Variants in TENM2 observed in about 807,000 individuals in gnomAD.
TENM2 encodes the protein teneurin-2.
In TENM2, 52 loss-of-function variants were observed where a neutral mutation model predicts 245.2. The observed-to-expected ratio is 0.21, with a 90% CI of 0.17 to 0.27. The LOEUF is 0.27. Ranked by LOEUF, TENM2 falls within the 10% of genes least tolerant of loss-of-function variation. The pLI is 1.00. For synonymous variants in TENM2, 1,363 were observed against 1,438.9 expected (o/e 0.95, Z 1.19); for missense variants, 3,046 against 3,666.8 (o/e 0.83, Z 4.37).
chr5:167,242,035 T>G, the TENM2 span, among the ~76,000 whole-genome samples: 1 of 149,760 alleles, frequency 6.7e-6, no homozygotes, highest in Non-Finnish European at 1.5e-5. Flanking sequence ...TGTTTTCTTT[T>G]TTTGTTTTTT....
the TENM2 span, among the ~76,000 whole-genome samples, chr5:167,263,957 T>G: frequency 6.6e-6 from 1 of 151,790 alleles, no homozygotes; most frequent in East Asian, 1.9e-4. Context: ...TACAAAAAAT[T>G]AGTTGGGTGT....
At chr5:167,058,267 TATAATAGGCATTCTATAA>T in the TENM2 span, among the ~76,000 whole-genome samples, 3 of 152,172 alleles carry the variant, frequency 2.0e-5, no homozygotes, top group Non-Finnish European at 4.4e-5. Context: ...GTCTATGACC[TATAATAGGCATTCTATAA>T]ATAATTGTTG....
intron 6 of TENM2, among the ~76,000 whole-genome samples, chr5:168,061,535 G>T (rs1316794156): frequency 6.6e-6 from 1 of 152,066 alleles, no homozygotes; most frequent in Non-Finnish European, 1.5e-5. Context: ...GTTTCTCTGC[G>T]GCTCTTAGAC....
the TENM2 span, among the ~76,000 whole-genome samples, chr5:167,138,508 C>T: frequency 1.3e-5 from 2 of 152,142 alleles, no homozygotes; most frequent in Non-Finnish European, 2.9e-5. Flanking sequence ...TGGTCTGTCG[C>T]TTACAAACTC....
chr5:167,759,782 A>G (rs1762541638), intron 2 of TENM2, among the ~76,000 whole-genome samples: 1 of 152,190 alleles, frequency 6.6e-6, no homozygotes, highest in Non-Finnish European at 1.5e-5. Flanking sequence ...TGAGAGATAC[A>G]GCCATGAGCC....
At chr5:167,175,107 T>C in the TENM2 span, among the ~76,000 whole-genome samples, 1 of 152,204 alleles carries the variant, frequency 6.6e-6, no homozygotes, top group African/African-American at 2.4e-5. Context: ...TTCTCTATCT[T>C]GGCTATTGCA....
At position 168,247,620 on chromosome 5, in the gene TENM2, C is replaced by T; in HGVS notation, c.6681C>T (p.Asp2227=). 2 of 1,613,930 alleles carry T rather than the reference C, an allele frequency of 1.2e-6. No homozygotes were observed. The highest frequency in any genetic ancestry group is 1.7e-6 in the Non-Finnish European group (2 of 1,179,876). The stretch of plus-strand genomic sequence containing the variant: ...GCCCGACCTGGCGCTACAGCTATGA[C>T]CTTAATGGGAATCTCCACTTACTGA... The change falls in exon 27 of 29, where the codon GAC becomes GAT. Residue 2227 remains aspartate, a synonymous_variant. Transcript: ENST00000518659. This position sits in a 1 kb window ranked among gnomAD's most constrained non-coding sequence, Gnocchi z 7.8.
intron 8 of TENM2, among the ~76,000 whole-genome samples, chr5:168,094,736 C>G (rs898682402): frequency 6.6e-6 from 1 of 151,764 alleles, no homozygotes; most frequent in Admixed American, 6.6e-5. Flanking sequence ...AACCCAGATC[C>G]CTCCATGTGC....
At chr5:168,195,514 C>T (rs957009547) in intron 15 of TENM2, among the ~76,000 whole-genome samples, 1 of 149,912 alleles carries the variant, frequency 6.7e-6, no homozygotes, top group Admixed American at 6.7e-5. Context: ...TAGTACAGCT[C>T]ACAGCCACCT....
At chr5:167,725,504 TAATTC>T (rs1759938252) in intron 2 of TENM2, among the ~76,000 whole-genome samples, 2 of 152,338 alleles carry the variant, frequency 1.3e-5, no homozygotes, top group Non-Finnish European at 2.9e-5. Context: ...AATGCTTACT[TAATTC>T]ATCACCAAAT....
the TENM2 span, among the ~76,000 whole-genome samples, chr5:167,189,454 CTTTT>C: frequency 6.6e-6 from 1 of 151,992 alleles, no homozygotes; most frequent in Non-Finnish European, 1.5e-5. Context: ...CAGTATGTTT[CTTTT>C]TTCTCTCTTC....
In TENM2 at chr5:168,015,738, C is replaced by T. The variant is rs181545475; in HGVS notation, c.1186+22556C>T. Reference sequence around the variant, plus strand: ...CAAACAGCCATGAGAAAAGTTTCCTCCCGTTTTTCTCATCCTCATTCCTGA... The same window carrying T: ...CAAACAGCCATGAGAAAAGTTTCCTTCCGTTTTTCTCATCCTCATTCCTGA... On this transcript the variant is annotated intron_variant, in intron 5 of 28. Coordinates refer to ENST00000518659, the Ensembl canonical transcript of TENM2. 1.7e-3 allele frequency among the ~76,000 whole-genome samples: 256 copies of T among 152,300 alleles called. 2 individuals are homozygous for T. The highest frequency in any genetic ancestry group is 5.6e-3 in the African/African-American group (232 of 41,552).
chr5:168,198,623 C>T (rs1761669020), intron 15 of TENM2, among the ~76,000 whole-genome samples: 1 of 152,142 alleles, frequency 6.6e-6, no homozygotes, highest in Non-Finnish European at 1.5e-5. Context: ...TGTAATTATT[C>T]CCATTTTACA....
chr5:167,101,871 A>G, the TENM2 span, among the ~76,000 whole-genome samples: 1 of 130,162 alleles, frequency 7.7e-6, no homozygotes, highest in Admixed American at 8.5e-5. Flanking sequence ...ATATATATAT[A>G]TATATGCACT....
At chr5:167,777,788 AAC>A (rs1454053394) in intron 2 of TENM2, among the ~76,000 whole-genome samples, 1 of 152,180 alleles carries the variant, frequency 6.6e-6, no homozygotes. Flanking sequence ...TTAATTTCTA[AAC>A]AGTGAGCCAA....
intron 3 of TENM2, among the ~76,000 whole-genome samples, chr5:167,886,238 T>C (rs1774278330): frequency 6.6e-6 from 1 of 151,890 alleles, no homozygotes; most frequent in Non-Finnish European, 1.5e-5. Context: ...GTACAAGAAC[T>C]TGACCCAAAG....
At position 168,262,835 on chromosome 5, in the gene TENM2, G is replaced by T. The variant is rs184692053; in HGVS notation, c.*25G>T. On this transcript the variant is annotated 3_prime_UTR_variant, in exon 29 of 29. Transcript: ENST00000518659. ...ACAAAATAATCTGCTGCCATTCCTT[G>T]TCTGAATGGCTCAGCAGGAGTAACT... is the stretch of plus-strand genomic sequence containing the variant. The T allele has an allele frequency of 5.1e-3, 7,888 of 1,561,852 alleles. 28 individuals are homozygous for T. Among genetic ancestry groups the T allele is most frequent in the Non-Finnish European group, 6.0e-3 (6,921 of 1,150,050 alleles).
intron 2 of TENM2, among the ~76,000 whole-genome samples, chr5:167,739,655 C>A (rs1208248207): frequency 6.6e-6 from 1 of 152,174 alleles, no homozygotes; most frequent in Non-Finnish European, 1.5e-5. Flanking sequence ...TTCAAGGAAG[C>A]AGTAAGGACC....
chr5:167,579,779 C>T (rs945620531), intron 2 of TENM2, among the ~76,000 whole-genome samples: 1 of 152,184 alleles, frequency 6.6e-6, no homozygotes, highest in Non-Finnish European at 1.5e-5. Context: ...TATAAGACAA[C>T]ACTTGTGACC....
Sources: gnomAD v4.1 joint callset for allele counts (sites outside exome capture counted in the v4.1 genomes callset) on GRCh38, gnomAD v4.1.1 for gene constraint, Gnocchi (gnomAD v3.1) non-coding constraint, MANE v1.5 for transcripts, NCBI Gene and HGNC (gene_info 2026-07-23, HGNC 2026-07-21) for gene names.